The following ZWILCH variants were observed in gnomAD, a reference collection of about 807,000 sequenced individuals.
ZWILCH encodes the protein protein zwilch homolog.
In ZWILCH, 74 loss-of-function variants were observed where a neutral mutation model predicts 79.9. That is an observed-to-expected ratio of 0.93 (90% CI 0.77 to 1.12). The LOEUF is 1.12. Among genes scored for constraint, ZWILCH ranks in the 50% most tolerant of loss-of-function variants. The pLI is 0.00. For missense variants in ZWILCH, 694 were observed against 687.5 expected (o/e 1.01, Z -0.11); for synonymous variants, 241 against 228.2 (o/e 1.06, Z -0.51).
intron 4 of ZWILCH, 117 bp from the exon 5 acceptor site, chr15:66,518,762 G>A: frequency 1.1e-6 from 1 of 922,212 alleles, no homozygotes; most frequent in Non-Finnish European, 1.7e-6. Context: ...AGTGAGCTAT[G>A]ATCGCACCAC....
Position 66,532,394 on chromosome 15 carries a change from T to G in ZWILCH, c.1303T>G (p.Phe435Val). 6.2e-7 allele frequency: 1 copy of G among 1,606,398 alleles called. No individual in the cohort carries two copies. Among genetic ancestry groups the G allele is most frequent in the South Asian group, 1.1e-5 (1 of 89,264 alleles). Reference protein sequence around the residue: ...LDKLKKDYISFFIGQELASLN... With the variant: ...LDKLKKDYISVFIGQELASLN... ...CAAACTAAAGAAAGATTATATCAGTTTTTTCATAGGTAAGTATCTTTCCTG... is the reference window on the plus strand; with the variant it reads ...CAAACTAAAGAAAGATTATATCAGTGTTTTCATAGGTAAGTATCTTTCCTG... The change falls in exon 13 of 19, where the codon TTT becomes GTT. Residue 435 changes from phenylalanine (F) to valine (V), a missense_variant. Phe to Val is a conservative substitution (Grantham distance 50). Transcript: ENST00000307897.
intron 1 of ZWILCH, 73 bp from the exon 2 acceptor site, chr15:66,508,768 T>A: frequency 6.3e-7 from 1 of 1,597,508 alleles, no homozygotes; most frequent in Non-Finnish European, 8.5e-7. Context: ...GATAAAGTGA[T>A]GACTGACTCC....
intron 12 of ZWILCH, among the ~76,000 whole-genome samples, chr15:66,531,798 A>G (rs1894860251): frequency 6.6e-6 from 1 of 152,028 alleles, no homozygotes; most frequent in Non-Finnish European, 1.5e-5. Context: ...GCCGAGTGCC[A>G]TGGCTCCTGC....
At chr15:66,506,026 C>T (rs111338155) in intron 1 of ZWILCH, among the ~76,000 whole-genome samples, 2,720 of 152,242 alleles carry the variant, frequency 0.018, 40 homozygotes, top group South Asian at 0.056. Flanking sequence ...GATTGCTGGG[C>T]CCCACTTCCA....
chr15:66,516,830 C>G (rs948966488), intron 4 of ZWILCH, among the ~76,000 whole-genome samples: 3 of 147,818 alleles, frequency 2.0e-5, no homozygotes, highest in Admixed American at 1.3e-4. Flanking sequence ...GTTTAATCAG[C>G]CTCTTCCTTC....
intron 5 of ZWILCH, among the ~76,000 whole-genome samples, chr15:66,519,628 G>A (rs540040685): frequency 1.3e-5 from 2 of 151,886 alleles, no homozygotes; most frequent in African/African-American, 4.8e-5. Flanking sequence ...TAATTTTTTT[G>A]TATTTTTAAT....
chr15:66,514,970 C>T (rs536180588), intron 3 of ZWILCH, among the ~76,000 whole-genome samples: 2 of 152,214 alleles, frequency 1.3e-5, no homozygotes, highest in Non-Finnish European at 2.9e-5. Context: ...TTAAGGTAGT[C>T]TTGCTCTTTT....
chr15:66,529,040 C>T, intron 11 of ZWILCH, 83 bp downstream of exon 11: 1 of 1,077,660 alleles, frequency 9.3e-7, no homozygotes, highest in Non-Finnish European at 1.4e-6. Context: ...CAGTGTGTAC[C>T]ACTAGTTTTG....
chr15:66,509,831 AT>A (rs1356357051), intron 2 of ZWILCH, among the ~76,000 whole-genome samples: 2 of 14,690 alleles, frequency 1.4e-4, no homozygotes, highest in Admixed American at 2.4e-3. Context: ...ACATATATAT[AT>A]ATATATATAT....
At chr15:66,511,221 C>A (rs544186884) in intron 2 of ZWILCH, among the ~76,000 whole-genome samples, 1 of 152,236 alleles carries the variant, frequency 6.6e-6, no homozygotes, top group African/African-American at 2.4e-5. Context: ...TGTGGTGGCT[C>A]ACACCTGTAA....
chr15:66,548,552 A>G lies in ZWILCH; in HGVS notation c.*228A>G. The G allele has an allele frequency of 6.2e-7, 1 of 1,613,824 alleles. No individual in the cohort carries two copies. Among genetic ancestry groups the G allele is most frequent in the Non-Finnish European group, 8.5e-7 (1 of 1,179,690 alleles). ...GCAGTGATGAGGACACAGAGGGAGCAGACAGTGGGTACCACGATCTCCGTA... is the reference window on the plus strand; with the variant it reads ...GCAGTGATGAGGACACAGAGGGAGCGGACAGTGGGTACCACGATCTCCGTA... On this transcript the variant is annotated 3_prime_UTR_variant, in exon 19 of 19. Coordinates refer to ENST00000307897, the MANE Select transcript of ZWILCH (RefSeq NM_017975.5).
At position 66,519,002 on chromosome 15, in the gene ZWILCH, T is replaced by C. The variant is rs1894393542; in HGVS notation, c.444T>C (p.Thr148=). 1.2e-6 allele frequency: 2 copies of C among 1,614,118 alleles called. No homozygotes were observed. The highest frequency in any genetic ancestry group is 2.7e-5 in the African/African-American group (2 of 74,940). ...GTGACAGTTCAGATCCTGAAGGTACTTGTTGGCTAGGAGCTGAGCTTATCA... is the reference window on the plus strand; with the variant it reads ...GTGACAGTTCAGATCCTGAAGGTACCTGTTGGCTAGGAGCTGAGCTTATCA... ...VRCDSSDPEG[T]CWLGAELITT... The change falls in exon 5 of 19, where the codon ACT becomes ACC. Residue 148 remains threonine, a synonymous_variant. Coordinates refer to ENST00000307897, the MANE Select transcript of ZWILCH (RefSeq NM_017975.5).
chr15:66,534,470 T>C (rs896911336), intron 14 of ZWILCH, among the ~76,000 whole-genome samples: 1 of 152,178 alleles, frequency 6.6e-6, no homozygotes, highest in African/African-American at 2.4e-5. Context: ...GAGAAATGTG[T>C]CATTATTTTT....
At chr15:66,509,852 TATATATATATATATATATC>T (rs1395572659) in intron 2 of ZWILCH, among the ~76,000 whole-genome samples, 1 of 99,368 alleles carries the variant, frequency 1.0e-5, no homozygotes, top group Non-Finnish European at 2.3e-5. Context: ...TATATATATA[TATATATATATATATATATC>T]TCTTAAAAAT....
intron 11 of ZWILCH, 112 bp downstream of exon 11, chr15:66,529,069 A>G (rs1894780277): frequency 4.0e-6 from 3 of 756,098 alleles, no homozygotes; most frequent in Non-Finnish European, 6.5e-6. Flanking sequence ...TCTGGTTCTT[A>G]ACTTTATCTA....
chr15:66,520,617 A>T lies in ZWILCH; in HGVS notation c.548A>T (p.Glu183Val). The change falls in exon 6 of 19, where the codon GAA becomes GTA. Residue 183 changes from glutamate to valine, a missense_variant. Physicochemically the swap from Glu to Val is moderately radical, Grantham distance 121. Transcript: ENST00000307897. Reference protein sequence around the residue: ...KADKNYSVNLENLKNLHKKRH... With the variant: ...KADKNYSVNLVNLKNLHKKRH... ...GATAAAAATTATTCTGTAAATCTTGAAAACCTAAAAAATTTACACAAGAAA... is the reference window on the plus strand; with the variant it reads ...GATAAAAATTATTCTGTAAATCTTGTAAACCTAAAAAATTTACACAAGAAA... The T allele has an allele frequency of 6.5e-7, 1 of 1,548,110 alleles. No homozygotes were observed. The highest frequency in any genetic ancestry group is 1.1e-5 in the South Asian group (1 of 87,934).
At chr15:66,510,705 G>GT (rs1459181638) in intron 2 of ZWILCH, among the ~76,000 whole-genome samples, 5 of 152,186 alleles carry the variant, frequency 3.3e-5, no homozygotes, top group African/African-American at 9.7e-5. Context: ...GTGTCAGCAA[G>GT]TGCATGCTCT....
chr15:66,517,430 G>GTGTGTA lies in ZWILCH; in HGVS notation c.321-1448_321-1447insGTGTAT. On this transcript the variant is annotated intron_variant, in intron 4 of 18. Coordinates refer to ENST00000307897, the MANE Select transcript of ZWILCH (RefSeq NM_017975.5). Reference sequence around the variant, plus strand: ...TGTTTGTGTGTGCGTGTGTGTGTGTGTATATATATATATATATATATATAT... The same window carrying GTGTGTA: ...TGTTTGTGTGTGCGTGTGTGTGTGTGTGTGTATATATATATATATATATATATATAT... Among the ~76,000 whole-genome samples the GTGTGTA allele has an allele frequency of 3.5e-3, 233 of 66,512 alleles. 3 individuals are homozygous for GTGTGTA. The highest frequency in any genetic ancestry group is 4.0e-3 in the Non-Finnish European group (137 of 34,080). 43.6% of individuals were successfully genotyped at this position (66,512 alleles called of 152,430 possible). A position where few individuals can be genotyped will look rare whatever the true frequency, so the allele number is the denominator to read the frequency against.
At chr15:66,519,610 C>A (rs189282353) in intron 5 of ZWILCH, among the ~76,000 whole-genome samples, 1,968 of 152,082 alleles carry the variant, frequency 0.013, 35 homozygotes, top group African/African-American at 0.045. Context: ...CCTGCCACCA[C>A]GCCCGGCTAA....
Sources: gnomAD v4.1 joint callset for allele counts (sites outside exome capture counted in the v4.1 genomes callset) on GRCh38, gnomAD v4.1.1 for gene constraint, MANE v1.5 for transcripts, NCBI Gene and HGNC (gene_info 2026-07-23, HGNC 2026-07-21) for gene names.